AMD1: variants seen among roughly 807,000 people sequenced by gnomAD.
The protein encoded by AMD1 is S-adenosylmethionine decarboxylase proenzyme.
AMD1 carries 11 observed loss-of-function variants against 40.2 expected under a neutral mutation model. The ratio of observed to expected loss-of-function variants is 0.27; its 90% CI spans 0.17 to 0.45. The LOEUF (loss-of-function observed/expected upper bound fraction) is 0.45. AMD1 is among the 20% of genes least tolerant of loss of function. The probability of loss-of-function intolerance (pLI) is 1.00; values close to 1 mark genes in which losing one functional copy is unlikely to be tolerated. For synonymous variants in AMD1, 121 were observed against 130.8 expected, an observed-to-expected ratio of 0.93 and a Z score of 0.51; for missense variants, 257 against 410.2, an observed-to-expected ratio of 0.63 and a Z score of 3.23.
chr6:110,833,116 C>G, the AMD1 span, among the ~76,000 whole-genome samples: 3 of 152,154 alleles, frequency 2.0e-5, no homozygotes, highest in Admixed American at 6.6e-5. Flanking sequence ...CCACCGTGCC[C>G]GGCTGATCCA....
intron 1 of AMD1, among the ~76,000 whole-genome samples, chr6:110,878,280 G>T (rs984526204): frequency 1.4e-5 from 2 of 141,308 alleles, no homozygotes; most frequent in Admixed American, 7.1e-5. Flanking sequence ...ATCTGGAATT[G>T]ATTTTGTGTG....
the AMD1 span, among the ~76,000 whole-genome samples, chr6:110,851,584 T>C: frequency 3.3e-4 from 50 of 152,194 alleles, no homozygotes; most frequent in South Asian, 5.0e-3. Context: ...TGACTCAGCC[T>C]CCTGAGTGGC....
chr6:110,855,065 C>CTTTTTTTTTTTTTTTTTTTTTTTTTTT, the AMD1 span, among the ~76,000 whole-genome samples: 13 of 80,464 alleles, frequency 1.6e-4, 1 homozygote, highest in East Asian at 5.1e-4. Flanking sequence ...CTCTCTCTCT[C>CTTTTTTTTTTTTTTTTTTTTTTTTTTT]TTTTTTTTTT....
chr6:110,838,861 T>A, the AMD1 span, among the ~76,000 whole-genome samples: 1 of 152,096 alleles, frequency 6.6e-6, no homozygotes, highest in South Asian at 2.1e-4. Flanking sequence ...CTCCGTCTAC[T>A]GGGTTCAAGG....
the AMD1 span, among the ~76,000 whole-genome samples, chr6:110,836,993 A>AT: frequency 2.0e-5 from 3 of 151,634 alleles, no homozygotes; most frequent in Non-Finnish European, 2.9e-5. Context: ...GTCTCTACAA[A>AT]TTTTTTCTAA....
intron 1 of AMD1, among the ~76,000 whole-genome samples, chr6:110,884,107 G>T (rs1007361637): frequency 6.6e-6 from 1 of 152,246 alleles, no homozygotes; most frequent in African/African-American, 2.4e-5. Flanking sequence ...TCCAGGGCCA[G>T]CCTGGCCATT....
intron 1 of AMD1, among the ~76,000 whole-genome samples, chr6:110,876,126 G>A (rs1785099705): frequency 6.6e-6 from 1 of 152,248 alleles, no homozygotes; most frequent in Non-Finnish European, 1.5e-5. Context: ...GCCGTCACGC[G>A]AGAGATACTT....
At chr6:110,871,522 A>C (rs1784917794), upstream of AMD1, among the ~76,000 whole-genome samples, 1 of 152,134 alleles carries the variant, frequency 6.6e-6, no homozygotes, top group Non-Finnish European at 1.5e-5. Context: ...GAGTGGAATC[A>C]TTGATGATTT....
chr6:110,877,387 A>G (rs1173797104), intron 1 of AMD1, among the ~76,000 whole-genome samples: 1 of 152,286 alleles, frequency 6.6e-6, no homozygotes, highest in African/African-American at 2.4e-5. Context: ...AGCCTGAAAT[A>G]GTAGGTGTTC....
At chr6:110,891,358 C>T (rs1400130726) in intron 4 of AMD1, 2 of 152,170 alleles carry the variant, frequency 1.3e-5, no homozygotes, top group Non-Finnish European at 2.9e-5. Flanking sequence ...ATATGATTCC[C>T]TTCAGAAAAA....
At chr6:110,863,611 C>A in the AMD1 span, among the ~76,000 whole-genome samples, 1 of 151,840 alleles carries the variant, frequency 6.6e-6, no homozygotes, top group Non-Finnish European at 1.5e-5. Flanking sequence ...CTCAGGTGAT[C>A]CATCCGCCTC....
the AMD1 span, chr6:110,858,175 C>G: frequency 1.6e-6 from 1 of 625,096 alleles, no homozygotes; most frequent in Non-Finnish European, 2.9e-6. Flanking sequence ...GAGTGCGTCC[C>G]AGCCCCGCGC....
the AMD1 span, chr6:110,863,856 G>A: frequency 1.7e-5 from 7 of 424,070 alleles, no homozygotes; most frequent in African/African-American, 1.5e-4. Context: ...CCTGGTGAGA[G>A]ACAATAGCCA....
chr6:110,849,875 G>A, the AMD1 span, among the ~76,000 whole-genome samples: 1 of 151,884 alleles, frequency 6.6e-6, no homozygotes, highest in African/African-American at 2.4e-5. Context: ...TAAAATATTA[G>A]CCAGGCATGG....
chr6:110,819,411 A>C, the AMD1 span, among the ~76,000 whole-genome samples: 1 of 152,166 alleles, frequency 6.6e-6, no homozygotes, highest in African/African-American at 2.4e-5. Flanking sequence ...GAGCAGCACT[A>C]TAAGAAAAAA....
At chr6:110,817,081 C>T in the AMD1 span, among the ~76,000 whole-genome samples, 4 of 152,292 alleles carry the variant, frequency 2.6e-5, no homozygotes, top group East Asian at 7.7e-4. Context: ...AATGGTGAGC[C>T]TAATGTCCCA....
chr6:110,845,912 A>G, the AMD1 span, among the ~76,000 whole-genome samples: 1 of 152,206 alleles, frequency 6.6e-6, no homozygotes, highest in Non-Finnish European at 1.5e-5. Flanking sequence ...ACCTGCTGCA[A>G]CATTTCAAAG....
the AMD1 span, chr6:110,815,233 GCCGCCTCTCGCGCGCGCGCGCGCGCCGC>G: frequency 9.7e-4 from 1,134 of 1,172,004 alleles, 8 homozygotes; most frequent in Non-Finnish European, 8.4e-4. Context: ...TTCTCCAACA[GCCGCCTCTCGCGCGCGCGCGCGCGCCGC>G]CCGCCGCCCG....
intron 3 of AMD1, 140 bp downstream of exon 3, chr6:110,889,123 G>C: frequency 4.5e-6 from 4 of 897,408 alleles, no homozygotes; most frequent in African/African-American, 1.7e-5. Flanking sequence ...TCATACCTTA[G>C]GAAGAGATCT....
Sources: gnomAD v4.1 joint callset for allele counts (sites outside exome capture counted in the v4.1 genomes callset) on GRCh38, gnomAD v4.1.1 for gene constraint, MANE v1.5 for transcripts, NCBI Gene and HGNC (gene_info 2026-07-23, HGNC 2026-07-21) for gene names.